Variants in GREM1 observed in about 807,000 individuals in gnomAD.
GREM1 encodes gremlin-1.
Under a neutral mutation model 13.1 loss-of-function variants are expected in GREM1, and 6 were observed. The observed-to-expected ratio is 0.46, with a 90% CI of 0.25 to 0.91. The LOEUF is 0.91. Ranked by LOEUF, GREM1 falls within the 40% of genes least tolerant of loss-of-function variation. The pLI is 0.18. For missense variants in GREM1, 185 were observed against 233.9 expected, an observed-to-expected ratio of 0.79 and a Z score of 1.36; for synonymous variants, 98 against 93.7, an observed-to-expected ratio of 1.05 and a Z score of -0.27.
chr15:32,724,511 A>T (rs1426363159), intron 1 of GREM1, among the ~76,000 whole-genome samples: 1 of 152,220 alleles, frequency 6.6e-6, no homozygotes, highest in Non-Finnish European at 1.5e-5. Flanking sequence ...AAACCTTCTC[A>T]AATTCACACT....
rs369685679 is a variant in GREM1 at position 32,738,120 on chromosome 15, A to C, written c.*6875A>C. 3.1e-4 allele frequency: 19 copies of C among 60,712 alleles called. No homozygotes were observed. Among genetic ancestry groups the C allele is most frequent in the African/African-American group, 4.4e-4 (4 of 9,046 alleles). 3.8% of individuals were successfully genotyped at this position (60,712 alleles called of 1,614,324 possible). On this transcript the variant is annotated 3_prime_UTR_variant, in exon 2 of 2. Coordinates refer to ENST00000651154, the MANE Select transcript of GREM1 (RefSeq NM_013372.7). ...AAAAAAAAAAAAAAAAAAAAAAAAA[A>C]AAAAAAAAAAAAAGAAAAGAAAAAA... is the stretch of plus-strand genomic sequence containing the variant.
intron 1 of GREM1, among the ~76,000 whole-genome samples, chr15:32,728,311 A>AT (rs2055550662): frequency 6.6e-6 from 1 of 152,252 alleles, no homozygotes; most frequent in East Asian, 1.9e-4. Context: ...AAGTAAAGTA[A>AT]TTTTTTTGTT....
At chr15:32,719,309 C>A (rs1403377014) in intron 1 of GREM1, among the ~76,000 whole-genome samples, 1 of 152,226 alleles carries the variant, frequency 6.6e-6, no homozygotes, top group East Asian at 1.9e-4. Context: ...TTGGGGGTGC[C>A]CCAGCTTGGC....
Position 32,736,784 on chromosome 15 carries a change from T to C in GREM1, c.*5539T>C, listed in dbSNP as rs1255327936. 6.6e-6 allele frequency: 1 copy of C among 152,206 alleles called. No homozygotes were observed. 9.4% of individuals were successfully genotyped at this position (152,206 alleles called of 1,614,324 possible). A position where few individuals can be genotyped will look rare whatever the true frequency, so the allele number is the denominator to read the frequency against. Reference sequence around the variant, plus strand: ...AATGACAGTACGATCAAACCATGCATGGCCCTGCCTGCATGTGGGAATCCT... The same window carrying C: ...AATGACAGTACGATCAAACCATGCACGGCCCTGCCTGCATGTGGGAATCCT... On this transcript the variant is annotated 3_prime_UTR_variant, in exon 2 of 2. Coordinates refer to ENST00000651154, the MANE Select transcript of GREM1 (RefSeq NM_013372.7).
At position 32,732,498 on chromosome 15, in the gene GREM1, A is replaced by G. The variant is rs1488919959; in HGVS notation, c.*1253A>G. ...AGGAGATTGGGCTAAAGAGAAGACG[A>G]CGAGAGTAAGGAAATAAAGGGAATT... On this transcript the variant is annotated 3_prime_UTR_variant, in exon 2 of 2. Coordinates refer to ENST00000651154, the MANE Select transcript of GREM1 (RefSeq NM_013372.7). 1.6e-5 allele frequency: 4 copies of G among 245,692 alleles called. No homozygotes were observed. The highest frequency in any genetic ancestry group is 3.4e-5 in the Non-Finnish European group (4 of 116,638). 15.2% of individuals were successfully genotyped at this position (245,692 alleles called of 1,614,324 possible).
In GREM1 at chr15:32,738,336, A is replaced by C. The variant is rs1407921181; in HGVS notation, c.*7091A>C. The C allele has an allele frequency of 1.3e-5, 2 of 149,328 alleles. No individual in the cohort carries two copies. The highest frequency in any genetic ancestry group is 4.9e-5 in the African/African-American group (2 of 41,232). The allele number at this position is 149,328 out of a possible 1,614,324, so 9.3% of individuals were successfully genotyped here. ...CACTTGTAATGAAAAATCTGAAAATAAAATTAAGAAAATAGCACCCTTTGA... is the reference window on the plus strand; with the variant it reads ...CACTTGTAATGAAAAATCTGAAAATCAAATTAAGAAAATAGCACCCTTTGA... On this transcript the variant is annotated 3_prime_UTR_variant, in exon 2 of 2. Transcript: ENST00000651154.
intron 1 of GREM1, among the ~76,000 whole-genome samples, chr15:32,725,730 G>A (rs1455101204): frequency 5.3e-5 from 8 of 152,192 alleles, no homozygotes; most frequent in Admixed American, 3.9e-4. Flanking sequence ...GTCCTGAATT[G>A]TATTGCCCTG....
Position 32,738,506 on chromosome 15 carries a change from T to A in GREM1, c.*7261T>A, listed in dbSNP as rs749301839. 2.0e-4 allele frequency: 30 copies of A among 152,142 alleles called. No individual in the cohort carries two copies. Among genetic ancestry groups the A allele is most frequent in the Non-Finnish European group, 3.2e-4 (22 of 68,024 alleles). 9.4% of individuals were successfully genotyped at this position (152,142 alleles called of 1,614,324 possible). A position where few individuals can be genotyped will look rare whatever the true frequency, so the allele number is the denominator to read the frequency against. Reference sequence around the variant, plus strand: ...ACCTGTGTTCATGGATGAAAAAAATTAACATTGCTCTACAGATTCAATACA... The same window carrying A: ...ACCTGTGTTCATGGATGAAAAAAATAAACATTGCTCTACAGATTCAATACA... On this transcript the variant is annotated 3_prime_UTR_variant, in exon 2 of 2. Coordinates refer to ENST00000651154, the MANE Select transcript of GREM1 (RefSeq NM_013372.7).
chr15:32,718,506 C>T (rs1474823204), intron 1 of GREM1: 6 of 459,734 alleles, frequency 1.3e-5, no homozygotes, highest in Admixed American at 4.7e-5. Flanking sequence ...TTAGCGAGGG[C>T]GCGAAGTCCA....
At position 32,738,105 on chromosome 15, in the gene GREM1, A is replaced by C. The variant is rs1173511755; in HGVS notation, c.*6860A>C. The C allele has an allele frequency of 3.6e-4, 39 of 108,040 alleles. 2 individuals carry two copies. The highest frequency in any genetic ancestry group is 1.4e-3 in the African/African-American group (34 of 24,850). The allele number at this position is 108,040 out of a possible 1,614,324, so 6.7% of individuals were successfully genotyped here. On this transcript the variant is annotated 3_prime_UTR_variant, in exon 2 of 2. Coordinates refer to ENST00000651154, the MANE Select transcript of GREM1 (RefSeq NM_013372.7). ...AGGCAAAAAAAAAAAAAAAAAAAAA[A>C]AAAAAAAAAAAAAAAAAAAAAAAAA... is the stretch of plus-strand genomic sequence containing the variant.
At chr15:32,719,462 C>G (rs1392877165) in intron 1 of GREM1, among the ~76,000 whole-genome samples, 1 of 152,198 alleles carries the variant, frequency 6.6e-6, no homozygotes, top group African/African-American at 2.4e-5. Context: ...AATCCGTCTA[C>G]TGCCTTCCCC....
In GREM1 at chr15:32,739,143, A is replaced by G. The variant is rs1347789523; in HGVS notation, c.*7898A>G. 3 of 152,250 alleles carry G rather than the reference A, an allele frequency of 2.0e-5. No homozygotes were observed. The highest frequency in any genetic ancestry group is 2.0e-4 in the Admixed American group (3 of 15,288). The allele number at this position is 152,250 out of a possible 1,614,324, so 9.4% of individuals were successfully genotyped here. On this transcript the variant is annotated 3_prime_UTR_variant, in exon 2 of 2. Coordinates refer to ENST00000651154, the MANE Select transcript of GREM1 (RefSeq NM_013372.7). ...CAATTTTCAGATGACATAATATTGT[A>G]TGTAGAAATCCTAAGGAATTTACAA...
chr15:32,718,560 T>TG (rs754900790), intron 1 of GREM1: 3 of 438,252 alleles, frequency 6.8e-6, no homozygotes, highest in Non-Finnish European at 1.4e-5. Flanking sequence ...AGTCGGCCGC[T>TG]GACTGCGCGG....
At chr15:32,721,626 C>T (rs950240122) in intron 1 of GREM1, among the ~76,000 whole-genome samples, 3 of 151,746 alleles carry the variant, frequency 2.0e-5, no homozygotes, top group Non-Finnish European at 2.9e-5. Context: ...TGGTGGCAGG[C>T]GCCTATAATC....
rs1199352966 is a variant in GREM1, at chr15:32,735,636, C to G, written c.*4391C>G. 1 of 152,064 alleles carries G rather than the reference C, an allele frequency of 6.6e-6. No individual in the cohort carries two copies. The highest frequency in any genetic ancestry group is 1.9e-4 in the East Asian group (1 of 5,184). The allele number at this position is 152,064 out of a possible 1,614,324, so 9.4% of individuals were successfully genotyped here. On this transcript the variant is annotated 3_prime_UTR_variant, in exon 2 of 2. Transcript: ENST00000651154. ...TTGGCCACCTCTCTTTTTGTCATGG[C>G]CTTCTTGGACTTGGAGGGGGAGAAT...
At chr15:32,722,830 C>G (rs1256767487) in intron 1 of GREM1, among the ~76,000 whole-genome samples, 2 of 152,178 alleles carry the variant, frequency 1.3e-5, no homozygotes, top group East Asian at 3.9e-4. Flanking sequence ...TGGACAGTTG[C>G]AAAGAAAACT....
At chr15:32,724,813 A>G (rs557054787) in intron 1 of GREM1, among the ~76,000 whole-genome samples, 2 of 118,408 alleles carry the variant, frequency 1.7e-5, no homozygotes, top group Non-Finnish European at 3.5e-5. Context: ...GACAGGCCCC[A>G]GTGTTTGATG....
At chr15:32,725,530 A>AT (rs1299263100) in intron 1 of GREM1, among the ~76,000 whole-genome samples, 1 of 152,080 alleles carries the variant, frequency 6.6e-6, no homozygotes, top group Admixed American at 6.5e-5. Context: ...TAGATTCTGG[A>AT]TATTAGCCCT....
At chr15:32,726,789 A>G (rs977694654) in intron 1 of GREM1, among the ~76,000 whole-genome samples, 1 of 151,944 alleles carries the variant, frequency 6.6e-6, no homozygotes, top group Admixed American at 6.6e-5. Context: ...GAAGAATCAA[A>G]TAGACAATAG....
Sources: gnomAD v4.1 joint callset for allele counts (sites outside exome capture counted in the v4.1 genomes callset) on GRCh38, gnomAD v4.1.1 for gene constraint, MANE v1.5 for transcripts, NCBI Gene and HGNC (gene_info 2026-07-23, HGNC 2026-07-21) for gene names.